Variants in FOXP2 observed in about 807,000 individuals in gnomAD.
FOXP2 encodes the protein forkhead box protein P2.
Under a neutral mutation model 115.8 loss-of-function variants are expected in FOXP2, and 12 were observed. That is an observed-to-expected ratio of 0.10 (90% confidence interval 0.07 to 0.17). FOXP2 has a LOEUF of 0.17. Ranked by LOEUF, FOXP2 falls within the 10% of genes least tolerant of loss-of-function variation. The pLI is 1.00. For synonymous variants in FOXP2, 328 were observed against 297.7 expected, an observed-to-expected ratio of 1.10 and a Z score of -1.05; for missense variants, 629 against 843.5, an observed-to-expected ratio of 0.75 and a Z score of 3.15.
chr7:114,164,369 G>C (rs1019924464), intron 1 of FOXP2, among the ~76,000 whole-genome samples: 1 of 144,682 alleles, frequency 6.9e-6, no homozygotes, highest in African/African-American at 2.6e-5. Context: ...TTTTTGAGAT[G>C]GAGTCTCACT....
chr7:114,350,083 A>G (rs1023616103), intron 2 of FOXP2, among the ~76,000 whole-genome samples: 2 of 152,162 alleles, frequency 1.3e-5, no homozygotes, highest in Non-Finnish European at 2.9e-5. Flanking sequence ...ACATAAATAT[A>G]TCTTGAATGA....
intron 1 of FOXP2, among the ~76,000 whole-genome samples, chr7:114,101,120 A>T (rs904339495): frequency 1.3e-5 from 2 of 152,150 alleles, no homozygotes; most frequent in African/African-American, 4.8e-5. Context: ...GGAACTCTGT[A>T]GGGTGGTTTG....
chr7:114,508,651 G>A (rs1797934656), intron 2 of FOXP2, among the ~76,000 whole-genome samples: 1 of 152,020 alleles, frequency 6.6e-6, no homozygotes, highest in African/African-American at 2.4e-5. Context: ...TTAGAAAGGT[G>A]AGCCATTAAA....
intron 1 of FOXP2, among the ~76,000 whole-genome samples, chr7:114,152,655 G>GT (rs1446379918): frequency 6.6e-6 from 1 of 152,184 alleles, no homozygotes; most frequent in Non-Finnish European, 1.5e-5. Flanking sequence ...GATTTCTGTT[G>GT]TGTAGTCAAG....
chr7:114,664,311 T>A lies in FOXP2; in HGVS notation c.1878T>A (p.Asn626Lys). Residue 626 changes from asparagine (N) to lysine (K), a missense_variant, in exon 16 of 17, where the codon AAT becomes AAA. Asn to Lys is a moderately conservative substitution (Grantham distance 94). This residue lies in a region of FOXP2 where 117 missense variants were observed against 112.3 expected (regional missense o/e 1.04). Coordinates refer to ENST00000350908, the MANE Select transcript of FOXP2 (RefSeq NM_014491.4). ...LAESSLPLLSNPGLINNASSG... is the reference protein window; with the variant it reads ...LAESSLPLLSKPGLINNASSG... Reference sequence around the variant, plus strand: ...AGAGCAGTTTACCTTTGCTAAGTAATCCTGGACTGATAAATAATGCATCCA... The same window carrying A: ...AGAGCAGTTTACCTTTGCTAAGTAAACCTGGACTGATAAATAATGCATCCA... 1 of 1,613,578 alleles carries A rather than the reference T, an allele frequency of 6.2e-7. No homozygotes were observed. The highest frequency in any genetic ancestry group is 8.5e-7 in the Non-Finnish European group (1 of 1,179,708).
Position 114,414,870 on chromosome 7 carries a change from T to C in FOXP2, c.-501T>C. 1 of 341,664 alleles carries C rather than the reference T, an allele frequency of 2.9e-6. No homozygotes were observed. Among genetic ancestry groups the C allele is most frequent in the South Asian group, 2.3e-5 (1 of 43,070 alleles). 21.2% of individuals were successfully genotyped at this position (341,664 alleles called of 1,614,324 possible). A position where few individuals can be genotyped will look rare whatever the true frequency, so the allele number is the denominator to read the frequency against. On this transcript the variant is annotated 5_prime_UTR_variant, in exon 1 of 17. Transcript: ENST00000350908. ...AGACTCAAACTGGTGCTTTTGTCTCTCTCTCTCTGTCTTTCTCTCTCTCAC... is the reference window on the plus strand; with the variant it reads ...AGACTCAAACTGGTGCTTTTGTCTCCCTCTCTCTGTCTTTCTCTCTCTCAC...
chr7:114,351,582 C>T (rs1048433166), intron 2 of FOXP2, among the ~76,000 whole-genome samples: 3 of 151,920 alleles, frequency 2.0e-5, no homozygotes, highest in African/African-American at 4.8e-5. Context: ...ATATTTTCTT[C>T]TCTGTCCTCA....
At chr7:114,198,963 T>C (rs1358357724) in intron 1 of FOXP2, among the ~76,000 whole-genome samples, 3 of 152,214 alleles carry the variant, frequency 2.0e-5, no homozygotes, top group Non-Finnish European at 4.4e-5. Context: ...TTTAAGGCCT[T>C]CAACTAATCA....
intron 1 of FOXP2, among the ~76,000 whole-genome samples, chr7:114,178,621 T>A (rs1423406316): frequency 1.3e-5 from 2 of 151,932 alleles, no homozygotes; most frequent in African/African-American, 2.4e-5. Flanking sequence ...ACAGACAGAG[T>A]TAATGTTGGT....
At chr7:114,482,543 A>G (rs979957754) in intron 2 of FOXP2, among the ~76,000 whole-genome samples, 2 of 151,542 alleles carry the variant, frequency 1.3e-5, no homozygotes, top group Non-Finnish European at 1.5e-5. Flanking sequence ...AGAAAAAAAG[A>G]ATACACCAAC....
intron 2 of FOXP2, among the ~76,000 whole-genome samples, chr7:114,458,666 G>T (rs1229289433): frequency 1.3e-5 from 2 of 149,962 alleles, no homozygotes; most frequent in African/African-American, 4.9e-5. Context: ...TCCCGCCTCA[G>T]CCTTCCAAGT....
At chr7:114,465,696 C>T (rs2129227143) in intron 2 of FOXP2, among the ~76,000 whole-genome samples, 1 of 152,312 alleles carries the variant, frequency 6.6e-6, no homozygotes, top group South Asian at 2.1e-4. Flanking sequence ...AACAGCCTAT[C>T]CAATCTTAGA....
intron 2 of FOXP2, among the ~76,000 whole-genome samples, chr7:114,485,462 A>G (rs1796733067): frequency 1.3e-5 from 2 of 151,968 alleles, no homozygotes; most frequent in African/African-American, 4.8e-5. Context: ...ATCAGTGTGA[A>G]CAGATACTTA....
intron 1 of FOXP2, among the ~76,000 whole-genome samples, chr7:114,124,487 C>T (rs112415690): frequency 0.011 from 1,695 of 152,116 alleles, 27 homozygotes; most frequent in African/African-American, 0.038. Flanking sequence ...AATGTATTGG[C>T]TCTTTGGATC....
intron 2 of FOXP2, among the ~76,000 whole-genome samples, chr7:114,533,278 A>C (rs936350205): frequency 1.3e-5 from 2 of 151,922 alleles, no homozygotes; most frequent in African/African-American, 4.8e-5. Flanking sequence ...CTGCCTTCTC[A>C]GAAAACTTGC....
At chr7:114,138,552 C>T (rs569146877) in intron 1 of FOXP2, among the ~76,000 whole-genome samples, 3 of 152,066 alleles carry the variant, frequency 2.0e-5, no homozygotes, top group East Asian at 1.9e-4. Context: ...AGACCACACC[C>T]GGCTAATTTT....
intron 2 of FOXP2, among the ~76,000 whole-genome samples, chr7:114,460,254 T>C (rs1049546751): frequency 5.9e-5 from 9 of 152,300 alleles, no homozygotes; most frequent in South Asian, 2.1e-4. Context: ...AGGTTACTTA[T>C]CTTCAGTAAG....
At chr7:114,373,767 AC>A (rs1792072428) in intron 2 of FOXP2, among the ~76,000 whole-genome samples, 1 of 152,206 alleles carries the variant, frequency 6.6e-6, no homozygotes, top group Non-Finnish European at 1.5e-5. Context: ...TACTTTCCAT[AC>A]ATTTCTCATT....
At chr7:114,491,709 A>G (rs1445005744) in intron 2 of FOXP2, among the ~76,000 whole-genome samples, 1 of 152,164 alleles carries the variant, frequency 6.6e-6, no homozygotes, top group African/African-American at 2.4e-5. Context: ...ATGCTGGATT[A>G]CGTTTATTGA....
Sources: allele counts gnomAD v4.1 joint callset (sites outside exome capture counted in the v4.1 genomes callset), GRCh38; gene constraint gnomAD v4.1.1; regional missense constraint gnomAD v4.1.1; transcripts MANE v1.5; gene names NCBI Gene and HGNC (gene_info 2026-07-23, HGNC 2026-07-21).